ABCA12: variants seen among roughly 807,000 people sequenced by gnomAD.
ABCA12 encodes the protein glucosylceramide transporter ABCA12.
ABCA12 carries 156 observed loss-of-function variants against 293.5 expected under a neutral mutation model. That is an observed-to-expected ratio of 0.53 (90% confidence interval 0.47 to 0.61). ABCA12 has a LOEUF of 0.61. Among genes scored for constraint, ABCA12 ranks in the 20% least tolerant of loss-of-function variants. The pLI, the probability that ABCA12 is intolerant of heterozygous loss-of-function variation, is 0.00. For synonymous variants in ABCA12, 1,063 were observed against 1,108.0 expected, an observed-to-expected ratio of 0.96 and a Z score of 0.81; for missense variants, 2,797 against 3,090.2, an observed-to-expected ratio of 0.91 and a Z score of 2.25.
chr2:215,068,007 A>C (rs374420946), intron 2 of ABCA12, among the ~76,000 whole-genome samples: 1 of 152,214 alleles, frequency 6.6e-6, no homozygotes, highest in Non-Finnish European at 1.5e-5. Flanking sequence ...TGTAATGTTT[A>C]CCTCAAAGGG....
At chr2:215,083,907 A>G (rs940570621) in intron 2 of ABCA12, among the ~76,000 whole-genome samples, 2 of 152,072 alleles carry the variant, frequency 1.3e-5, no homozygotes, top group African/African-American at 4.8e-5. Context: ...GTGATTTTCA[A>G]GTTTATTATT....
chr2:215,059,008 T>A (rs772694264), intron 3 of ABCA12, among the ~76,000 whole-genome samples: 1 of 151,970 alleles, frequency 6.6e-6, no homozygotes, highest in African/African-American at 2.4e-5. Flanking sequence ...CCTGTATAAG[T>A]GGTACTGTGT....
chr2:215,056,959 A>T (rs1168145169), intron 3 of ABCA12, among the ~76,000 whole-genome samples: 1 of 152,068 alleles, frequency 6.6e-6, no homozygotes. Context: ...ACAAGCACTT[A>T]GTGCACACTT....
At chr2:215,086,281 A>G (rs1702036137) in intron 2 of ABCA12, among the ~76,000 whole-genome samples, 1 of 152,224 alleles carries the variant, frequency 6.6e-6, no homozygotes, top group Non-Finnish European at 1.5e-5. Flanking sequence ...CTAATCTACA[A>G]TCCAGAGGCT....
At chr2:215,006,101 T>C (rs1700247481) in intron 19 of ABCA12, among the ~76,000 whole-genome samples, 1 of 152,240 alleles carries the variant, frequency 6.6e-6, no homozygotes, top group Non-Finnish European at 1.5e-5. Flanking sequence ...TTCCATTAGA[T>C]GATGATCCCT....
intron 44 of ABCA12, among the ~76,000 whole-genome samples, chr2:214,952,378 G>T (rs1373875831): frequency 6.6e-6 from 1 of 151,928 alleles, no homozygotes; most frequent in South Asian, 2.1e-4. Flanking sequence ...GTGCCATCAC[G>T]TCCAGCTAGT....
intron 44 of ABCA12, 146 bp from the exon 45 acceptor site, chr2:214,951,229 G>A (rs191554863): frequency 2.6e-6 from 2 of 772,692 alleles, no homozygotes; most frequent in East Asian, 2.6e-5. Flanking sequence ...ATGCTACTCA[G>A]ATAACTTAAA....
Position 214,978,569 on chromosome 2 carries a change from C to G in ABCA12, c.4978-103G>C, listed in dbSNP as rs900824758. ...TGAACTTTTATCACATTTACTGAGA[C>G]AAATTTTTCCCGTCTGACTTCAAGT... On this transcript the variant is annotated intron_variant, in intron 32 of 52. Coordinates refer to ENST00000272895, the MANE Select transcript of ABCA12 (RefSeq NM_173076.3). The G allele has an allele frequency of 1.3e-5, 18 of 1,405,634 alleles. No homozygotes were observed. In the South Asian group the frequency reaches 2.1e-4, roughly 16 times the overall value. The allele number at this position is 1,405,634 out of a possible 1,614,324, so 87.1% of individuals were successfully genotyped here.
chr2:214,975,824 G>T lies in ABCA12; in HGVS notation c.5342C>A (p.Pro1781His). Residue 1781 changes from proline (P) to histidine (H), a missense_variant, in exon 34 of 53, where the codon CCC (proline) becomes CAC (histidine). Pro to His is a moderately conservative substitution (Grantham distance 77, BLOSUM62 -2). Transcript: ENST00000272895. Reference sequence around the variant, plus strand: ...CTGTTCGGAGGTACCATAAAGAGAGGGGGAGATCTGAATCTCTGGATAACT... The same window carrying T: ...CTGTTCGGAGGTACCATAAAGAGAGTGGGAGATCTGAATCTCTGGATAACT... ...SNSYPEIQIS[P>H]SLYGTSEQTA... The T allele has an allele frequency of 6.2e-7, 1 of 1,614,076 alleles. No individual in the cohort carries two copies. The highest frequency in any genetic ancestry group is 8.5e-7 in the Non-Finnish European group (1 of 1,179,964).
chr2:214,967,456 G>A (rs185274944), intron 38 of ABCA12, among the ~76,000 whole-genome samples: 14 of 152,174 alleles, frequency 9.2e-5, no homozygotes, highest in East Asian at 1.9e-4. Context: ...CAAATGGGGC[G>A]CGATTTTACC....
intron 15 of ABCA12, among the ~76,000 whole-genome samples, chr2:215,014,782 TCC>T (rs1700453870): frequency 6.6e-6 from 1 of 152,224 alleles, no homozygotes; most frequent in African/African-American, 2.4e-5. Context: ...GTCAGCTATT[TCC>T]TTTTGGTTGT....
intron 2 of ABCA12, among the ~76,000 whole-genome samples, chr2:215,092,665 C>T (rs190751275): frequency 1.3e-5 from 2 of 152,186 alleles, no homozygotes. Context: ...ATTCTCCTTA[C>T]AACTCTCCTA....
At chr2:214,970,468 A>C in intron 36 of ABCA12, 68 bp from the exon 37 acceptor site, 1 of 1,566,054 alleles carries the variant, frequency 6.4e-7, no homozygotes, top group Admixed American at 1.7e-5. Flanking sequence ...GACAATGTCA[A>C]GGAGCTTCAG....
intron 36 of ABCA12, among the ~76,000 whole-genome samples, chr2:214,972,887 G>A (rs1033031177): frequency 2.6e-5 from 4 of 152,036 alleles, no homozygotes; most frequent in African/African-American, 9.7e-5. Context: ...GGAGTGCAGT[G>A]GTACAGCCTT....
Position 215,036,947 on chromosome 2 carries a change from T to C in ABCA12, c.985+6A>G. The C allele has an allele frequency of 1.2e-6, 2 of 1,611,740 alleles. No individual in the cohort carries two copies. The highest frequency in any genetic ancestry group is 1.7e-6 in the Non-Finnish European group (2 of 1,177,906). On this transcript the variant is annotated splice_donor_region_variant and intron_variant, in intron 8 of 52. Coordinates refer to ENST00000272895, the MANE Select transcript of ABCA12 (RefSeq NM_173076.3). ...AATTTAACACAGTAAGATGGAAATA[T>C]AATACCTTGAGCTGGGGAGTCCAGA...
chr2:214,994,296 CAG>C (rs755005860), intron 23 of ABCA12, among the ~76,000 whole-genome samples: 1 of 151,796 alleles, frequency 6.6e-6, no homozygotes, highest in Non-Finnish European at 1.5e-5. Context: ...GCTTTGTAAT[CAG>C]AGAGTCACTT....
intron 1 of ABCA12, among the ~76,000 whole-genome samples, chr2:215,129,689 A>C (rs1212865261): frequency 6.6e-6 from 1 of 152,174 alleles, no homozygotes; most frequent in African/African-American, 2.4e-5. Flanking sequence ...TTGTCTGCTT[A>C]TCCTGTTGAT....
At position 215,054,585 on chromosome 2, in the gene ABCA12, G is replaced by T. The variant is rs1187275343; in HGVS notation, c.397C>A (p.His133Asn). 1 of 1,611,290 alleles carries T rather than the reference G, an allele frequency of 6.2e-7. No individual in the cohort carries two copies. Among genetic ancestry groups the T allele is most frequent in the Non-Finnish European group, 8.5e-7 (1 of 1,178,042 alleles). Residue 133 changes from histidine to asparagine, a missense_variant, in exon 4 of 53, where the codon CAT becomes AAT. By Grantham distance (68) the His-to-Asn change is moderately conservative. This residue lies in a region of ABCA12 where 656 missense variants were observed against 638.2 expected (regional missense o/e 1.03). Transcript: ENST00000272895. ...FQSTQVPERR[H>N]ASLATVFPSP... Reference sequence around the variant, plus strand: ...GAAAATAGCTTACCTAGTGATGCATGCCTTCTTTCTGGAACTTGGGTGCTC... The same window carrying T: ...GAAAATAGCTTACCTAGTGATGCATTCCTTCTTTCTGGAACTTGGGTGCTC...
intron 11 of ABCA12, chr2:215,023,591 G>T (rs1291624501): frequency 6.6e-6 from 1 of 152,120 alleles, no homozygotes; most frequent in African/African-American, 2.4e-5. Context: ...TGTGCTTCCT[G>T]GTGACTTTCT....
Sources: allele counts gnomAD v4.1 joint callset (sites outside exome capture counted in the v4.1 genomes callset), GRCh38; gene constraint gnomAD v4.1.1; regional missense constraint gnomAD v4.1.1; transcripts MANE v1.5; gene names NCBI Gene and HGNC (gene_info 2026-07-23, HGNC 2026-07-21).